Variants in PHKA1 observed in about 807,000 individuals in gnomAD.
PHKA1 encodes the protein phosphorylase kinase regulatory subunit alpha 1.
A neutral mutation model predicts 110.2 loss-of-function variants in PHKA1; 60 were observed. The observed-to-expected ratio is 0.54, with a 90% CI of 0.44 to 0.68. The LOEUF is 0.68. Ranked by LOEUF, PHKA1 falls within the 30% of genes least tolerant of loss-of-function variation. PHKA1 has a pLI of 0.00. For missense variants in PHKA1, 801 were observed against 942.5 expected, an observed-to-expected ratio of 0.85 and a Z score of 1.97; for synonymous variants, 316 against 333.6, an observed-to-expected ratio of 0.95 and a Z score of 0.58.
At chrX:72,667,726 C>T (rs1322636415) in intron 6 of PHKA1, among the ~76,000 whole-genome samples, 1 of 111,845 alleles carries the variant, frequency 8.9e-6, no homozygotes, top group African/African-American at 3.2e-5. Flanking sequence ...TGTACTCTCT[C>T]CTTCTATGAG....
Position 72,605,392 on chromosome X carries a change from C to T in PHKA1, c.2694G>A (p.Met898Ile). The T allele has an allele frequency of 7.4e-6, 9 of 1,208,579 alleles. No homozygotes were observed. The highest frequency in any genetic ancestry group is 1.0e-5 in the Non-Finnish European group (9 of 892,810). ...MSISILTQEIMVYLAMYMRTQ... is the reference protein window; with the variant it reads ...MSISILTQEIIVYLAMYMRTQ... ...TTCGCATATACATGGCTAGATATAC[C>T]ATTATTTCCTGCACACAGAGTAGAT... Residue 898 changes from methionine (M) to isoleucine (I), a missense_variant, in exon 25 of 32, where the codon ATG (methionine) becomes ATA (isoleucine). Coordinates refer to ENST00000373542, the MANE Select transcript of PHKA1 (RefSeq NM_002637.4).
intron 5 of PHKA1, among the ~76,000 whole-genome samples, chrX:72,677,910 C>T (rs931692537): frequency 5.4e-5 from 6 of 110,306 alleles, no homozygotes; most frequent in African/African-American, 2.0e-4. Flanking sequence ...ATTAGTCAGG[C>T]ATGATGGTGC....
chrX:72,633,677 T>C (rs1171601968), intron 16 of PHKA1, among the ~76,000 whole-genome samples: 3 of 111,549 alleles, frequency 2.7e-5, no homozygotes, highest in African/African-American at 9.8e-5. Flanking sequence ...ATTAGTTTCT[T>C]TGACATCAGT....
intron 23 of PHKA1, among the ~76,000 whole-genome samples, chrX:72,609,080 G>A (rs185528171): frequency 6.5e-4 from 73 of 112,105 alleles, no homozygotes; most frequent in African/African-American, 2.3e-3. Context: ...TTCCATCCCA[G>A]CCCCATCACT....
chrX:72,627,188 C>T (rs41307355), intron 16 of PHKA1, 139 bp from the exon 17 acceptor site: 152 of 510,030 alleles, frequency 3.0e-4, no homozygotes, highest in Non-Finnish European at 4.3e-4. Context: ...CTGATTTTAA[C>T]AATTCATCTG....
Position 72,662,886 on chromosome X carries a change from C to T in PHKA1, c.864+3265G>A, listed in dbSNP as rs943160918. ...TCCTACCTAAACCAACACCTTAGGACCCATCTCCAGGAAAGTCTTTCCCTA... is the reference window on the plus strand; with the variant it reads ...TCCTACCTAAACCAACACCTTAGGATCCATCTCCAGGAAAGTCTTTCCCTA... On this transcript the variant is annotated intron_variant, in intron 8 of 31. Transcript: ENST00000373542. 2.7e-5 allele frequency among the ~76,000 whole-genome samples: 3 copies of T among 110,542 alleles called. No individual in the cohort carries two copies. In the East Asian group the frequency reaches 8.5e-4, roughly 31 times the overall value.
chrX:72,617,506 C>T (rs921742428), intron 21 of PHKA1, among the ~76,000 whole-genome samples: 4 of 110,836 alleles, frequency 3.6e-5, no homozygotes, highest in Non-Finnish European at 7.6e-5. Flanking sequence ...GGCAACAGAG[C>T]GAGACCTCAC....
At chrX:72,597,136 T>C (rs2052600945) in intron 28 of PHKA1, among the ~76,000 whole-genome samples, 1 of 111,979 alleles carries the variant, frequency 8.9e-6, no homozygotes, top group Non-Finnish European at 1.9e-5. Flanking sequence ...GTTAAGACAG[T>C]AGGCCAGAAC....
intron 10 of PHKA1, among the ~76,000 whole-genome samples, chrX:72,653,836 C>A (rs996315963): frequency 9.0e-6 from 1 of 111,015 alleles, no homozygotes; most frequent in Non-Finnish European, 1.9e-5. Context: ...ACAGTTGAGT[C>A]CAGGGTGTAG....
At chrX:72,648,566 CT>C (rs782574382) in intron 13 of PHKA1, among the ~76,000 whole-genome samples, 1,509 of 110,172 alleles carry the variant, frequency 0.014, 20 homozygotes, top group African/African-American at 0.036. Flanking sequence ...TCATTTGTGT[CT>C]TTTTTTTTCC....
Position 72,644,383 on chromosome X carries a change from T to C in PHKA1, c.1438A>G (p.Ser480Gly). Residue 480 changes from serine (S) to glycine (G), a missense_variant, in exon 14 of 32, where the codon AGC becomes GGC. Transcript: ENST00000373542. Reference protein sequence around the residue: ...PIRVQPARILSHIYSSLGCNN... With the variant: ...PIRVQPARILGHIYSSLGCNN... The stretch of plus-strand genomic sequence containing the variant: ...TTACCTAGGCTGGAATAAATGTGGC[T>C]GAGAATACGAGCTGGTTGTACTCTG... 1 of 1,210,239 alleles carries C rather than the reference T, an allele frequency of 8.3e-7. No individual in the cohort carries two copies. Among genetic ancestry groups the C allele is most frequent in the Non-Finnish European group, 1.1e-6 (1 of 894,419 alleles).
At chrX:72,607,548 T>C (rs782793754) in intron 23 of PHKA1, among the ~76,000 whole-genome samples, 1 of 112,128 alleles carries the variant, frequency 8.9e-6, no homozygotes, top group African/African-American at 3.2e-5. Flanking sequence ...TTCAGACCAT[T>C]TGCCCATTTT....
At chrX:72,647,045 T>C (rs2053368918) in intron 13 of PHKA1, among the ~76,000 whole-genome samples, 1 of 109,782 alleles carries the variant, frequency 9.1e-6, no homozygotes, top group Admixed American at 9.7e-5. Context: ...GGCAGGAGAA[T>C]TGCTTGAACC....
At chrX:72,633,061 A>T (rs782550750) in intron 16 of PHKA1, among the ~76,000 whole-genome samples, 1 of 111,699 alleles carries the variant, frequency 9.0e-6, no homozygotes, top group Admixed American at 9.5e-5. Context: ...AGGTATTTCA[A>T]TTCTGAAATC....
chrX:72,704,092 C>G (rs2054244802), intron 3 of PHKA1, among the ~76,000 whole-genome samples: 1 of 112,104 alleles, frequency 8.9e-6, no homozygotes, highest in South Asian at 3.7e-4. Context: ...GAAAGAGAAC[C>G]TAGATGATAG....
At chrX:72,619,164 G>T in intron 20 of PHKA1, 50 bp downstream of exon 20, 1 of 754,900 alleles carries the variant, frequency 1.3e-6, no homozygotes, top group Non-Finnish European at 2.1e-6. Flanking sequence ...TTCCCATAAA[G>T]ATGGCAGTTT....
At chrX:72,649,716 G>A (rs1354428857) in intron 13 of PHKA1, among the ~76,000 whole-genome samples, 2 of 111,305 alleles carry the variant, frequency 1.8e-5, no homozygotes, top group Admixed American at 9.5e-5. Flanking sequence ...AAGTGCAGCC[G>A]GGCGCAGTGG....
At chrX:72,605,512 A>G (rs782474468) in intron 24 of PHKA1, 29 bp downstream of exon 24, 11 of 1,172,687 alleles carry the variant, frequency 9.4e-6, no homozygotes, top group Admixed American at 2.2e-5. Flanking sequence ...AATATCAGTC[A>G]CCAGATTAGC....
At position 72,623,200 on chromosome X, in the gene PHKA1, A is replaced by C. The variant is rs1556280030; in HGVS notation, c.1869T>G (p.Pro623=). 8.3e-7 allele frequency: 1 copy of C among 1,209,118 alleles called. No individual in the cohort carries two copies. The highest frequency in any genetic ancestry group is 1.8e-5 in the South Asian group (1 of 56,880). Residue 623 remains proline (P), a synonymous_variant, in exon 18 of 32, where the codon CCT becomes CCG. Transcript: ENST00000373542. The part of the protein sequence containing the change: ...CTHLSFMDPG[P]EGKLYSEDYD... ...AATCTTCACTGTACAGCTTACCCTC[A>C]GGTCCAGGGTCCATGAAGCTCAAGT... is the stretch of plus-strand genomic sequence containing the variant.
Sources: allele counts gnomAD v4.1 joint callset (sites outside exome capture counted in the v4.1 genomes callset), GRCh38; gene constraint gnomAD v4.1.1; transcripts MANE v1.5; gene names NCBI Gene and HGNC (gene_info 2026-07-23, HGNC 2026-07-21).